The following TRMT9B variants were observed in gnomAD, a reference collection of about 807,000 sequenced individuals.
The protein encoded by TRMT9B is tRNA methyltransferase 9B (putative), also known as probable tRNA methyltransferase 9B.
Under a neutral mutation model 11.5 loss-of-function variants are expected in TRMT9B, and 16 were observed. The ratio of observed to expected loss-of-function variants is 1.39; its 90% CI spans 0.94 to 2.11. The LOEUF (loss-of-function observed/expected upper bound fraction) is 2.11. TRMT9B is among the 30% of genes most tolerant of loss of function. The pLI is 0.00. For missense variants in TRMT9B, 941 were observed against 553.8 expected, an observed-to-expected ratio of 1.70 and a Z score of -7.02; for synonymous variants, 274 against 192.4, an observed-to-expected ratio of 1.42 and a Z score of -3.51.
At chr8:12,997,218 G>A (rs774754143) in intron 2 of TRMT9B, among the ~76,000 whole-genome samples, 4 of 152,004 alleles carry the variant, frequency 2.6e-5, no homozygotes, top group African/African-American at 7.3e-5. Flanking sequence ...GGTTATGGTG[G>A]TGGATCCCTC....
intron 1 of TRMT9B, among the ~76,000 whole-genome samples, chr8:12,989,398 C>G (rs6531017): frequency 1.4e-4 from 22 of 152,034 alleles, no homozygotes; most frequent in Non-Finnish European, 2.6e-4. Context: ...AAATTTGGAT[C>G]CTAATTTAGG....
intron 1 of TRMT9B, chr8:12,951,274 A>C (rs1167968364): frequency 6.6e-6 from 1 of 152,236 alleles, no homozygotes; most frequent in East Asian, 1.9e-4. Context: ...CCCCATCTCC[A>C]GTTATCCCAA....
intron 1 of TRMT9B, among the ~76,000 whole-genome samples, chr8:12,979,602 C>G (rs1037149695): frequency 6.6e-6 from 1 of 152,194 alleles, no homozygotes; most frequent in Non-Finnish European, 1.5e-5. Context: ...GATGTTAACT[C>G]CCAAAGCCTT....
At chr8:12,962,897 C>T (rs899532974) in intron 1 of TRMT9B, among the ~76,000 whole-genome samples, 1 of 152,228 alleles carries the variant, frequency 6.6e-6, no homozygotes, top group Non-Finnish European at 1.5e-5. Flanking sequence ...AGCTGACTGA[C>T]TTCACGCTGT....
intron 1 of TRMT9B, among the ~76,000 whole-genome samples, chr8:12,959,762 C>A (rs1801835871): frequency 6.6e-6 from 1 of 152,014 alleles, no homozygotes; most frequent in Non-Finnish European, 1.5e-5. Flanking sequence ...CTCCTAGGCT[C>A]AAGCGATCCT....
chr8:12,996,575 G>A (rs980947180), intron 2 of TRMT9B, among the ~76,000 whole-genome samples: 4 of 152,194 alleles, frequency 2.6e-5, no homozygotes, highest in Admixed American at 1.3e-4. Flanking sequence ...AGAAGGCACT[G>A]ACTGGATGGC....
rs565686001 is a variant in TRMT9B, at chr8:13,011,457, T to C, written c.155-1227T>C. ...AATCATCTTTGAATAGTGGTAGATA[T>C]CTTTTCAGGTAGAAAAATTTCATCA... On this transcript the variant is annotated intron_variant, in intron 3 of 4. Coordinates refer to ENST00000524591, the MANE Select transcript of TRMT9B (RefSeq NM_020844.3). 2.5e-5 allele frequency: 25 copies of C among 985,346 alleles called. No homozygotes were observed. The Admixed American group carries it at 1.4e-3, about 53-fold the overall frequency. 61.0% of individuals were successfully genotyped at this position (985,346 alleles called of 1,614,324 possible).
rs17784059 is a variant in TRMT9B, at chr8:12,979,603, C to G, written c.-199-11231C>G. 9.9e-3 allele frequency among the ~76,000 whole-genome samples: 1,510 copies of G among 152,298 alleles called. 10 individuals carry two copies. The highest frequency in any genetic ancestry group is 0.017 in the Non-Finnish European group (1,133 of 68,030). ...TCTCCAGTGAGAACGATGTTAACTC[C>G]CAAAGCCTTGCCCTACTTGGGTACC... On this transcript the variant is annotated intron_variant, in intron 1 of 4. Transcript: ENST00000524591.
intron 4 of TRMT9B, among the ~76,000 whole-genome samples, chr8:13,018,337 G>A (rs970908460): frequency 6.7e-6 from 1 of 149,178 alleles, no homozygotes; most frequent in Non-Finnish European, 1.5e-5. Context: ...AGAAGGCAGA[G>A]GCTGCAGCAA....
chr8:13,003,043 G>C (rs894409623), intron 2 of TRMT9B, among the ~76,000 whole-genome samples: 7 of 152,114 alleles, frequency 4.6e-5, no homozygotes, highest in African/African-American at 1.7e-4. Context: ...TTGATCATTT[G>C]CTGGGGGTCT....
chr8:13,027,754 C>T lies in TRMT9B; in HGVS notation c.*5710C>T, dbSNP rs1326322279. The T allele has an allele frequency of 1.8e-5, 3 of 166,902 alleles. No individual in the cohort carries two copies. The Admixed American group carries it at 2.0e-4, about 11-fold the overall frequency. The allele number at this position is 166,902 out of a possible 1,614,324, so 10.3% of individuals were successfully genotyped here. A position where few individuals can be genotyped will look rare whatever the true frequency, so the allele number is the denominator to read the frequency against. ...TCTATCAAGAGGCATATGAGGTAAG[C>T]GTTATTATACACCCGTCCAGCAGAT... is the stretch of plus-strand genomic sequence containing the variant. On this transcript the variant is annotated 3_prime_UTR_variant, in exon 5 of 5. Coordinates refer to ENST00000524591, the MANE Select transcript of TRMT9B (RefSeq NM_020844.3).
chr8:13,010,714 T>G, intron 3 of TRMT9B: 1 of 984,938 alleles, frequency 1.0e-6, no homozygotes, highest in Non-Finnish European at 1.2e-6. Context: ...AACTTTCCCT[T>G]TCATTTCTCC....
At chr8:12,950,391 G>C (rs1425651838) in intron 1 of TRMT9B, among the ~76,000 whole-genome samples, 1 of 152,158 alleles carries the variant, frequency 6.6e-6, no homozygotes, top group Non-Finnish European at 1.5e-5. Flanking sequence ...GTTAGAAGAG[G>C]ACAAGGAACA....
intron 2 of TRMT9B, among the ~76,000 whole-genome samples, chr8:12,996,446 G>C (rs1262901549): frequency 2.0e-5 from 3 of 152,122 alleles, no homozygotes; most frequent in Non-Finnish European, 4.4e-5. Flanking sequence ...GATTTCTTCT[G>C]AGGCAAAACT....
intron 1 of TRMT9B, among the ~76,000 whole-genome samples, chr8:12,953,663 G>C (rs1348272570): frequency 6.6e-6 from 1 of 152,234 alleles, no homozygotes; most frequent in Non-Finnish European, 1.5e-5. Flanking sequence ...GGGGAAGGGA[G>C]AGTTAGAACT....
At chr8:12,992,423 G>A (rs1807523475) in intron 2 of TRMT9B, among the ~76,000 whole-genome samples, 1 of 152,022 alleles carries the variant, frequency 6.6e-6, no homozygotes, top group Admixed American at 6.6e-5. Context: ...GGGAGGCCTG[G>A]GTAGACAGTG....
intron 3 of TRMT9B, chr8:13,012,262 C>T (rs1046464615): frequency 3.0e-6 from 3 of 985,690 alleles, no homozygotes; most frequent in Non-Finnish European, 2.4e-6. Context: ...ATGTTGTATT[C>T]TGTCTTGGTT....
intron 1 of TRMT9B, chr8:12,958,449 T>C (rs959031520): frequency 6.6e-6 from 1 of 152,292 alleles, no homozygotes; most frequent in African/African-American, 2.4e-5. Context: ...AGCATAGTAC[T>C]GCATCAGATT....
At position 13,016,232 on chromosome 8, in the gene TRMT9B, A is replaced by T. The variant is rs1812658763; in HGVS notation, c.328+3375A>T. On this transcript the variant is annotated intron_variant, in intron 4 of 4. Transcript: ENST00000524591. The stretch of plus-strand genomic sequence containing the variant: ...TATATAAAATATAAATGTGAAATAT[A>T]TATTATATATAAAATATAAATGTGA... Among the ~76,000 whole-genome samples the T allele has an allele frequency of 1.8e-5, 2 of 113,892 alleles. 1 individual carries two copies. The highest frequency in any genetic ancestry group is 3.6e-5 in the Non-Finnish European group (2 of 55,194). 74.7% of individuals were successfully genotyped at this position (113,892 alleles called of 152,430 possible).
Sources: gnomAD v4.1 joint callset for allele counts (sites outside exome capture counted in the v4.1 genomes callset) on GRCh38, gnomAD v4.1.1 for gene constraint, MANE v1.5 for transcripts, NCBI Gene and HGNC (gene_info 2026-07-23, HGNC 2026-07-21) for gene names.